The following RAI14 variants were observed in gnomAD, a reference collection of about 807,000 sequenced individuals.
RAI14 encodes the protein retinoic acid induced 14.
RAI14 carries 45 observed loss-of-function variants against 115.4 expected under a neutral mutation model. The observed-to-expected ratio is 0.39, with a 90% CI of 0.31 to 0.50. RAI14 has a LOEUF of 0.50. Among genes scored for constraint, RAI14 ranks in the 20% least tolerant of loss-of-function variants. The probability of loss-of-function intolerance (pLI) is 0.85; values close to 1 mark genes in which losing one functional copy is unlikely to be tolerated. For synonymous variants in RAI14, 371 were observed against 415.4 expected (o/e 0.89, Z 1.30); for missense variants, 939 against 1,131.2 (o/e 0.83, Z 2.44).
At chr5:34,682,601 C>T (rs966405726) in intron 1 of RAI14, among the ~76,000 whole-genome samples, 5 of 152,290 alleles carry the variant, frequency 3.3e-5, no homozygotes, top group African/African-American at 4.8e-5. Flanking sequence ...CATTTATCAA[C>T]GTAACATCCA....
At chr5:34,764,704 A>T (rs1173377272) in intron 3 of RAI14, among the ~76,000 whole-genome samples, 1 of 151,692 alleles carries the variant, frequency 6.6e-6, no homozygotes, top group African/African-American at 2.4e-5. Flanking sequence ...TTTTTTTTTT[A>T]AAGGAAGCAG....
At chr5:34,817,249 T>C (rs947376936) in intron 12 of RAI14, among the ~76,000 whole-genome samples, 7 of 132,690 alleles carry the variant, frequency 5.3e-5, no homozygotes, top group East Asian at 2.2e-4. Context: ...TGCACTCCAG[T>C]CTGGGCGACA....
chr5:34,720,479 C>G (rs891531554), intron 2 of RAI14, among the ~76,000 whole-genome samples: 4 of 139,918 alleles, frequency 2.9e-5, no homozygotes, highest in Non-Finnish European at 4.5e-5. Flanking sequence ...GGCGCAATCT[C>G]GGCTCACTGG....
chr5:34,714,597 T>G (rs1482494342), intron 2 of RAI14, among the ~76,000 whole-genome samples: 1 of 152,208 alleles, frequency 6.6e-6, no homozygotes, highest in Non-Finnish European at 1.5e-5. Flanking sequence ...AAGCAAGAAC[T>G]CTTCAGCTTT....
intron 3 of RAI14, among the ~76,000 whole-genome samples, chr5:34,773,761 T>C (rs1344413397): frequency 2.0e-5 from 3 of 152,158 alleles, no homozygotes; most frequent in Admixed American, 1.3e-4. Flanking sequence ...TAACAGATTC[T>C]GGAAGGATGC....
intron 3 of RAI14, among the ~76,000 whole-genome samples, chr5:34,765,509 G>A (rs894564178): frequency 6.6e-6 from 1 of 152,188 alleles, no homozygotes; most frequent in Non-Finnish European, 1.5e-5. Context: ...TTTTGCCCCT[G>A]CCCTAGTGAT....
At chr5:34,820,621 T>C (rs1386179255) in intron 13 of RAI14, among the ~76,000 whole-genome samples, 2 of 152,120 alleles carry the variant, frequency 1.3e-5, no homozygotes, top group Non-Finnish European at 2.9e-5. Context: ...CAAAAAGTAA[T>C]AATAATATTA....
intron 3 of RAI14, among the ~76,000 whole-genome samples, chr5:34,789,332 G>A (rs952143428): frequency 6.6e-6 from 1 of 152,224 alleles, no homozygotes; most frequent in African/African-American, 2.4e-5. Flanking sequence ...CTACCCAACA[G>A]AACCTAACTT....
At chr5:34,687,846 C>T in intron 2 of RAI14, 2 of 1,248,544 alleles carry the variant, frequency 1.6e-6, no homozygotes, top group Non-Finnish European at 1.1e-6. Flanking sequence ...TGCATTTTTG[C>T]AATAAATGGA....
rs980059485 is a variant in RAI14 at position 34,827,073 on chromosome 5, G to A, written c.2799+594G>A. 6.6e-6 allele frequency among the ~76,000 whole-genome samples: 1 copy of A among 152,036 alleles called. No individual in the cohort carries two copies. Among genetic ancestry groups the A allele is most frequent in the Admixed American group, 6.5e-5 (1 of 15,270 alleles). ...TTGTTGGCAGGGCTGGTTCCTCCTC[G>A]AGACCATAGGAGAAAATCAATTTCC... On this transcript the variant is annotated intron_variant, in intron 16 of 17. Transcript: ENST00000265109. The surrounding 1 kb of genome is among the most constrained non-coding windows in gnomAD (Gnocchi z 4.2).
At chr5:34,691,016 A>G (rs7702104) in intron 2 of RAI14, among the ~76,000 whole-genome samples, 114,956 of 152,078 alleles carry the variant, frequency 0.76, 43,712 homozygotes, top group Middle Eastern at 0.84. Context: ...TTGTTAAGTT[A>G]TAAGGCCTGG....
chr5:34,768,292 A>C (rs140195590), intron 3 of RAI14, among the ~76,000 whole-genome samples: 114 of 152,212 alleles, frequency 7.5e-4, no homozygotes, highest in African/African-American at 2.6e-3. Flanking sequence ...TATTAACATA[A>C]TTAATAAGAA....
intron 3 of RAI14, among the ~76,000 whole-genome samples, chr5:34,788,139 G>A (rs1752534898): frequency 2.0e-5 from 3 of 151,902 alleles, no homozygotes; most frequent in South Asian, 4.2e-4. Context: ...GGCTGGTCTT[G>A]AACTCCTGGG....
Position 34,821,894 on chromosome 5 carries a change from G to T in RAI14, c.1113+44G>T, listed in dbSNP as rs756505932. ...ATCATGGACTATTCTGTAGAGTCAA[G>T]CTCTTGGTCTTTTCAGTAGTCAGAT... On this transcript the variant is annotated intron_variant, in intron 14 of 17. Coordinates refer to ENST00000265109, the MANE Select transcript of RAI14 (RefSeq NM_015577.3). The T allele has an allele frequency of 1.3e-5, 14 of 1,099,834 alleles. No individual in the cohort carries two copies. In the African/African-American group the frequency reaches 2.2e-4, roughly 17 times the overall value. 68.1% of individuals were successfully genotyped at this position (1,099,834 alleles called of 1,614,324 possible).
At position 34,823,004 on chromosome 5, in the gene RAI14, C is replaced by T. The variant is rs753185769; in HGVS notation, c.1162C>T (p.His388Tyr). 1 of 1,613,980 alleles carries T rather than the reference C, an allele frequency of 6.2e-7. No individual in the cohort carries two copies. Among genetic ancestry groups the T allele is most frequent in the Non-Finnish European group, 8.5e-7 (1 of 1,179,996 alleles). The change falls in exon 15 of 18, where the codon CAT becomes TAT. Residue 388 changes from histidine to tyrosine, a missense_variant. Coordinates refer to ENST00000265109, the MANE Select transcript of RAI14 (RefSeq NM_015577.3). This position sits in a 1 kb window ranked among gnomAD's most constrained non-coding sequence, Gnocchi z 4.5. ...AEADLSFDSY[H>Y]STQTDLGPSL... The stretch of plus-strand genomic sequence containing the variant: ...AGCAGACCTAAGCTTTGACTCATAC[C>T]ATTCCACCCAAACTGACTTGGGCCC...
Position 34,830,780 on chromosome 5 carries a change from C to T in RAI14, c.*15C>T. ...AAAAGAAGTAAAGTGGATTCCTTGG[C>T]AGGACACTGCCCCTTGTCATCTGTC... On this transcript the variant is annotated 3_prime_UTR_variant, in exon 18 of 18. Transcript: ENST00000265109. The T allele has an allele frequency of 6.2e-7, 1 of 1,613,800 alleles. No individual in the cohort carries two copies. Among genetic ancestry groups the T allele is most frequent in the Non-Finnish European group, 8.5e-7 (1 of 1,179,818 alleles).
chr5:34,730,599 C>G (rs772377300), intron 2 of RAI14, among the ~76,000 whole-genome samples: 1 of 152,112 alleles, frequency 6.6e-6, no homozygotes, highest in Non-Finnish European at 1.5e-5. Context: ...TCACTTGAAC[C>G]CGGGAGGCAG....
intron 3 of RAI14, among the ~76,000 whole-genome samples, chr5:34,788,956 G>A (rs1752624620): frequency 6.6e-6 from 1 of 152,180 alleles, no homozygotes; most frequent in Non-Finnish European, 1.5e-5. Context: ...GCGACAGAGT[G>A]AGACTGCATC....
At position 34,823,839 on chromosome 5, in the gene RAI14, A is replaced by G. The variant is rs754574346; in HGVS notation, c.1997A>G (p.Lys666Arg). ...QAELEDYRKR[K>R]SLEDVTAEYI... Reference sequence around the variant, plus strand: ...GAGCTGGAGGATTACAGGAAGAGGAAATCTCTAGAGGATGTCACAGCTGAA... The same window carrying G: ...GAGCTGGAGGATTACAGGAAGAGGAGATCTCTAGAGGATGTCACAGCTGAA... Residue 666 changes from lysine (K) to arginine (R), a missense_variant, in exon 15 of 18, where the codon AAA becomes AGA. Transcript: ENST00000265109. The surrounding 1 kb of genome is among the most constrained non-coding windows in gnomAD (Gnocchi z 4.5). The G allele has an allele frequency of 1.3e-5, 21 of 1,613,996 alleles. No individual in the cohort carries two copies. The highest frequency in any genetic ancestry group is 1.7e-5 in the Non-Finnish European group (20 of 1,179,988).
Sources: allele counts gnomAD v4.1 joint callset (sites outside exome capture counted in the v4.1 genomes callset), GRCh38; gene constraint gnomAD v4.1.1; non-coding constraint Gnocchi (gnomAD v3.1); transcripts MANE v1.5; gene names NCBI Gene and HGNC (gene_info 2026-07-23, HGNC 2026-07-21).